Variants in SGMS1 observed in about 807,000 individuals in gnomAD.
SGMS1 encodes the protein phosphatidylcholine:ceramide cholinephosphotransferase 1.
Under a neutral mutation model 46.2 loss-of-function variants are expected in SGMS1, and 13 were observed. That is an observed-to-expected ratio of 0.28 (90% CI 0.18 to 0.45). The LOEUF is 0.45. Among genes scored for constraint, SGMS1 ranks in the 20% least tolerant of loss-of-function variants. The pLI is 1.00. For synonymous variants in SGMS1, 203 were observed against 187.8 expected, an observed-to-expected ratio of 1.08 and a Z score of -0.66; for missense variants, 324 against 519.9, an observed-to-expected ratio of 0.62 and a Z score of 3.66.
At chr10:50,486,347 C>T (rs1837520994) in intron 3 of SGMS1, among the ~76,000 whole-genome samples, 1 of 152,118 alleles carries the variant, frequency 6.6e-6, no homozygotes, top group African/African-American at 2.4e-5. Flanking sequence ...TCCTGCACAG[C>T]AAAAGAAAGT....
intron 3 of SGMS1, among the ~76,000 whole-genome samples, chr10:50,514,709 T>C (rs913850030): frequency 6.6e-6 from 1 of 152,204 alleles, no homozygotes; most frequent in Non-Finnish European, 1.5e-5. Context: ...AGAGGGGTCC[T>C]AAAACCAAAA....
intron 1 of SGMS1, among the ~76,000 whole-genome samples, chr10:50,616,675 A>G (rs568123199): frequency 6.6e-6 from 1 of 152,222 alleles, no homozygotes. Context: ...GGAAGATTTT[A>G]AAAGATCTGT....
intron 3 of SGMS1, among the ~76,000 whole-genome samples, chr10:50,500,562 AC>A (rs1301922891): frequency 1.3e-5 from 2 of 151,990 alleles, no homozygotes; most frequent in African/African-American, 4.8e-5. Context: ...ACTTACATTG[AC>A]ACCTTTAATT....
rs527777864 is a variant in SGMS1, at chr10:50,355,354, C to T, written c.-231-11009G>A. Among the ~76,000 whole-genome samples, 484 of 152,332 alleles carry T rather than the reference C, an allele frequency of 3.2e-3. 1 individual carries two copies. Among genetic ancestry groups the T allele is most frequent in the African/African-American group, 0.011 (471 of 41,580 alleles). Reference sequence around the variant, plus strand: ...AGGCTGGACTGTACTGCCGCCATCTCGGCTCACTGCAACCTCCCTGCCTGA... The same window carrying T: ...AGGCTGGACTGTACTGCCGCCATCTTGGCTCACTGCAACCTCCCTGCCTGA... On this transcript the variant is annotated intron_variant, in intron 6 of 10. Coordinates refer to ENST00000361781, the MANE Select transcript of SGMS1 (RefSeq NM_147156.4).
At chr10:50,406,032 C>G (rs1849009576) in intron 6 of SGMS1, among the ~76,000 whole-genome samples, 1 of 152,020 alleles carries the variant, frequency 6.6e-6, no homozygotes, top group South Asian at 2.1e-4. Context: ...TATATACACA[C>G]ACACATACAC....
chr10:50,356,807 T>C (rs920620597), intron 6 of SGMS1, among the ~76,000 whole-genome samples: 35 of 152,074 alleles, frequency 2.3e-4, no homozygotes, highest in African/African-American at 8.2e-4. Context: ...CTCAGCAAAC[T>C]GTCACAAGGA....
At chr10:50,387,400 G>A (rs981229411) in intron 6 of SGMS1, among the ~76,000 whole-genome samples, 2 of 152,104 alleles carry the variant, frequency 1.3e-5, no homozygotes, top group Admixed American at 6.6e-5. Flanking sequence ...TCAAAGATCC[G>A]ATTTATATGT....
chr10:50,314,212 C>T (rs568600164), intron 8 of SGMS1, among the ~76,000 whole-genome samples: 14 of 151,920 alleles, frequency 9.2e-5, no homozygotes, highest in African/African-American at 3.1e-4. Flanking sequence ...CTCATTTTCC[C>T]ATGTTGAATT....
At chr10:50,316,093 T>G (rs775628775) in intron 8 of SGMS1, among the ~76,000 whole-genome samples, 7 of 152,228 alleles carry the variant, frequency 4.6e-5, no homozygotes, top group Non-Finnish European at 1.0e-4. Context: ...ATCATTCAGT[T>G]TGCAGATGGC....
In SGMS1 at chr10:50,536,207, C is replaced by T. The variant is rs574601314; in HGVS notation, c.-588-16286G>A. Among the ~76,000 whole-genome samples, 133 of 151,962 alleles carry T rather than the reference C, an allele frequency of 8.8e-4. 1 individual carries two copies. Among genetic ancestry groups the T allele is most frequent in the African/African-American group, 3.1e-3 (128 of 41,446 alleles). On this transcript the variant is annotated intron_variant, in intron 2 of 10. Transcript: ENST00000361781. ...AATTAGTCAAAAATGGTGGTGCACG[C>T]GTATAGTCTCAGCTACTCAGGAGAA... is the stretch of plus-strand genomic sequence containing the variant.
At chr10:50,329,240 A>G (rs1232192893) in intron 7 of SGMS1, among the ~76,000 whole-genome samples, 1 of 152,226 alleles carries the variant, frequency 6.6e-6, no homozygotes, top group Non-Finnish European at 1.5e-5. Flanking sequence ...TGATTTCAGA[A>G]TTATTTAAAA....
intron 1 of SGMS1, among the ~76,000 whole-genome samples, chr10:50,613,425 T>A (rs1358279946): frequency 6.6e-6 from 1 of 152,200 alleles, no homozygotes; most frequent in Non-Finnish European, 1.5e-5. Context: ...CCAGGGAAAC[T>A]GGCCCATAGG....
intron 6 of SGMS1, among the ~76,000 whole-genome samples, chr10:50,356,794 A>C (rs1483838691): frequency 6.6e-6 from 1 of 152,166 alleles, no homozygotes; most frequent in Non-Finnish European, 1.5e-5. Flanking sequence ...TGGAACCATC[A>C]TTCTCAGCAA....
chr10:50,465,678 A>C (rs1327792734), intron 4 of SGMS1, among the ~76,000 whole-genome samples: 1 of 152,138 alleles, frequency 6.6e-6, no homozygotes, highest in African/African-American at 2.4e-5. Flanking sequence ...CAACTAACAG[A>C]CTAAGAAAAG....
intron 5 of SGMS1, among the ~76,000 whole-genome samples, chr10:50,459,734 A>G (rs1383745208): frequency 6.6e-6 from 1 of 152,210 alleles, no homozygotes; most frequent in East Asian, 1.9e-4. Context: ...CTCTGCTTCA[A>G]AAAGGGAATA....
chr10:50,493,794 T>C (rs1329242129), intron 3 of SGMS1, among the ~76,000 whole-genome samples: 1 of 152,146 alleles, frequency 6.6e-6, no homozygotes, highest in Non-Finnish European at 1.5e-5. Context: ...AGAATGGCTA[T>C]TATTTTCCAT....
chr10:50,357,019 A>G (rs1430452171), intron 6 of SGMS1, among the ~76,000 whole-genome samples: 1 of 152,116 alleles, frequency 6.6e-6, no homozygotes, highest in African/African-American at 2.4e-5. Context: ...GCACATGTAT[A>G]CATATGTAAC....
At chr10:50,555,820 G>A (rs1164718587) in intron 2 of SGMS1, among the ~76,000 whole-genome samples, 3 of 152,196 alleles carry the variant, frequency 2.0e-5, no homozygotes, top group African/African-American at 7.2e-5. Flanking sequence ...GGGTTACTTA[G>A]AGCCTTTGAG....
intron 1 of SGMS1, among the ~76,000 whole-genome samples, chr10:50,610,683 TG>T (rs1838741431): frequency 6.6e-6 from 1 of 152,084 alleles, no homozygotes. Flanking sequence ...GTAAAGCAAA[TG>T]TTAAATTACC....
Sources: gnomAD v4.1 joint callset for allele counts (sites outside exome capture counted in the v4.1 genomes callset) on GRCh38, gnomAD v4.1.1 for gene constraint, MANE v1.5 for transcripts, NCBI Gene and HGNC (gene_info 2026-07-23, HGNC 2026-07-21) for gene names.